The following RALB variants were observed in gnomAD, a reference collection of about 807,000 sequenced individuals.
RALB encodes RAS like proto-oncogene B.
Under a neutral mutation model 21.3 loss-of-function variants are expected in RALB, and 16 were observed. That is an observed-to-expected ratio of 0.75 (90% CI 0.51 to 1.14). The LOEUF is 1.14. RALB is among the 50% of genes most tolerant of loss of function. The probability of loss-of-function intolerance (pLI) is 0.00; values close to 1 mark genes in which losing one functional copy is unlikely to be tolerated. For missense variants in RALB, 161 were observed against 256.2 expected, an observed-to-expected ratio of 0.63 and a Z score of 2.54; for synonymous variants, 93 against 96.1, an observed-to-expected ratio of 0.97 and a Z score of 0.19.
chr2:120,277,882 T>A (rs923823306), intron 1 of RALB, among the ~76,000 whole-genome samples: 3 of 142,122 alleles, frequency 2.1e-5, no homozygotes, highest in East Asian at 4.0e-4. Context: ...AGAACATGAG[T>A]GTGAAAATGA....
At chr2:120,252,302 T>G (rs147487517), upstream of RALB, among the ~76,000 whole-genome samples, 215 of 152,318 alleles carry the variant, frequency 1.4e-3, no homozygotes, top group African/African-American at 4.9e-3. Context: ...GTCTCCGCCA[T>G]GCACTCACTA....
intron 1 of RALB, chr2:120,240,274 C>CTTT (rs1371241309): frequency 1.9e-6 from 1 of 525,390 alleles, no homozygotes; most frequent in African/African-American, 2.5e-5. Context: ...GGAGCTGCTA[C>CTTT]TTTTTTATTT....
intron 1 of RALB, among the ~76,000 whole-genome samples, chr2:120,277,475 G>A (rs1406025783): frequency 1.3e-5 from 2 of 151,808 alleles, no homozygotes; most frequent in Non-Finnish European, 2.9e-5. Context: ...TATGTGGTGT[G>A]AGCATGAACA....
intron 1 of RALB, among the ~76,000 whole-genome samples, chr2:120,260,120 GCT>G (rs1307157726): frequency 1.3e-5 from 2 of 152,248 alleles, no homozygotes; most frequent in Non-Finnish European, 2.9e-5. Context: ...CCCGGTTCCT[GCT>G]CGTGCCTCTC....
intron 1 of RALB, among the ~76,000 whole-genome samples, chr2:120,274,559 G>GT (rs1332477264): frequency 6.6e-6 from 1 of 152,048 alleles, no homozygotes; most frequent in Non-Finnish European, 1.5e-5. Flanking sequence ...TACATGAAAA[G>GT]TAACTTGCAA....
intron 3 of RALB, among the ~76,000 whole-genome samples, chr2:120,286,660 C>A (rs1337407030): frequency 6.6e-6 from 1 of 152,178 alleles, no homozygotes; most frequent in East Asian, 1.9e-4. Flanking sequence ...GATTTTGTTT[C>A]TTTCTCTGGA....
At chr2:120,272,828 G>A (rs540041051) in intron 1 of RALB, among the ~76,000 whole-genome samples, 8 of 152,138 alleles carry the variant, frequency 5.3e-5, no homozygotes, top group African/African-American at 1.9e-4. Flanking sequence ...TGTGTTCCCA[G>A]GGCACCACTT....
chr2:120,242,937 A>C (rs984989063), intron 1 of RALB, among the ~76,000 whole-genome samples: 1 of 152,174 alleles, frequency 6.6e-6, no homozygotes, highest in Non-Finnish European at 1.5e-5. Flanking sequence ...AAATAAAAAA[A>C]TAAACAAAAT....
chr2:120,277,981 G>A (rs1265566401), intron 1 of RALB, among the ~76,000 whole-genome samples: 2 of 150,784 alleles, frequency 1.3e-5, no homozygotes, highest in African/African-American at 2.4e-5. Flanking sequence ...GTGAATAAGA[G>A]CATGTGTGAA....
intron 1 of RALB, among the ~76,000 whole-genome samples, chr2:120,275,584 A>C (rs1449971289): frequency 6.6e-6 from 1 of 152,148 alleles, no homozygotes; most frequent in African/African-American, 2.4e-5. Flanking sequence ...TGTATAGCTA[A>C]GAATGGGAAC....
chr2:120,253,308 G>C (rs1358813807), intron 1 of RALB: 1 of 832,950 alleles, frequency 1.2e-6, no homozygotes, highest in Non-Finnish European at 1.4e-6. Context: ...CCTCCCGCTC[G>C]GGACCGTCCA....
intron 3 of RALB, among the ~76,000 whole-genome samples, chr2:120,286,488 A>C (rs1452200666): frequency 6.6e-6 from 1 of 152,238 alleles, no homozygotes; most frequent in Non-Finnish European, 1.5e-5. Flanking sequence ...GTTATGAAAC[A>C]ATGACTGGAA....
At chr2:120,242,845 G>A (rs774282561) in intron 1 of RALB, among the ~76,000 whole-genome samples, 10 of 152,352 alleles carry the variant, frequency 6.6e-5, no homozygotes, top group Non-Finnish European at 1.5e-4. Context: ...GGAGGCCGAG[G>A]TGGGAGGATC....
Position 120,289,658 on chromosome 2 carries a change from G to A in RALB, c.402G>A (p.Glu134=). 1 of 1,614,230 alleles carries A rather than the reference G, an allele frequency of 6.2e-7. No individual in the cohort carries two copies. Among genetic ancestry groups the A allele is most frequent in the South Asian group, 1.1e-5 (1 of 91,088 alleles). The part of the protein sequence containing the change: ...LVVGNKSDLE[E]RRQVPVEEAR... ...TGGGAAACAAGTCTGACCTAGAGGA[G>A]CGGAGGCAGGTGCCTGTGGAGGAGG... The change falls in exon 4 of 5, where the codon GAG becomes GAA. Residue 134 remains glutamate (E), a synonymous_variant. Coordinates refer to ENST00000272519, the MANE Select transcript of RALB (RefSeq NM_002881.3).
At chr2:120,268,876 C>A (rs1422272636) in intron 1 of RALB, among the ~76,000 whole-genome samples, 1 of 152,146 alleles carries the variant, frequency 6.6e-6, no homozygotes, top group Non-Finnish European at 1.5e-5. Context: ...AGTCCAACTT[C>A]ATTGTTGCCA....
At chr2:120,266,596 AGT>A (rs1689507885) in intron 1 of RALB, among the ~76,000 whole-genome samples, 1 of 152,134 alleles carries the variant, frequency 6.6e-6, no homozygotes, top group East Asian at 1.9e-4. Flanking sequence ...CTGTAGTCCC[AGT>A]TACTTGGGAA....
At chr2:120,275,476 A>C (rs902858937) in intron 1 of RALB, among the ~76,000 whole-genome samples, 15 of 152,178 alleles carry the variant, frequency 9.9e-5, no homozygotes, top group African/African-American at 3.1e-4. Flanking sequence ...ATCTTTTAGA[A>C]TTTCCCATGC....
At chr2:120,243,641 G>C (rs1040758896) in intron 1 of RALB, among the ~76,000 whole-genome samples, 15 of 152,300 alleles carry the variant, frequency 9.8e-5, no homozygotes, top group Admixed American at 9.1e-4. Flanking sequence ...GATGCTGTTG[G>C]TGGGTGTGGG....
At position 120,262,615 on chromosome 2, in the gene RALB, T is replaced by C. The variant is rs940683788; in HGVS notation, c.-48+9635T>C. Among the ~76,000 whole-genome samples, 11 of 152,124 alleles carry C rather than the reference T, an allele frequency of 7.2e-5. 1 individual carries two copies. Among genetic ancestry groups the C allele is most frequent in the Admixed American group, 7.2e-4 (11 of 15,266 alleles). On this transcript the variant is annotated intron_variant, in intron 1 of 4. Coordinates refer to ENST00000272519, the MANE Select transcript of RALB (RefSeq NM_002881.3). ...GGAGGGTGGTCCTGTTCTAGCACCG[T>C]AGTTCCCAAACGTGGCTGGGGAGGT...
Sources: gnomAD v4.1 joint callset for allele counts (sites outside exome capture counted in the v4.1 genomes callset) on GRCh38, gnomAD v4.1.1 for gene constraint, MANE v1.5 for transcripts, NCBI Gene and HGNC (gene_info 2026-07-23, HGNC 2026-07-21) for gene names.